Variants in STX5 observed in about 807,000 individuals in gnomAD.
STX5 encodes syntaxin-5.
A neutral mutation model predicts 42.9 loss-of-function variants in STX5; 15 were observed. The observed-to-expected ratio is 0.35, with a 90% CI of 0.23 to 0.54. The LOEUF is 0.54. Ranked by LOEUF, STX5 falls within the 20% of genes least tolerant of loss-of-function variation. STX5 has a pLI of 0.91. For missense variants in STX5, 430 were observed against 455.0 expected, an observed-to-expected ratio of 0.95 and a Z score of 0.50; for synonymous variants, 184 against 173.2, an observed-to-expected ratio of 1.06 and a Z score of -0.49.
At chr11:62,820,245 G>C (rs1474947607) in intron 10 of STX5, among the ~76,000 whole-genome samples, 1 of 150,914 alleles carries the variant, frequency 6.6e-6, no homozygotes, top group Non-Finnish European at 1.5e-5. Context: ...GGTGGCGGGA[G>C]CCTGTAGTAC....
intron 10 of STX5, among the ~76,000 whole-genome samples, chr11:62,821,951 A>G (rs909667181): frequency 3.3e-5 from 5 of 152,126 alleles, no homozygotes; most frequent in African/African-American, 1.2e-4. Context: ...ACTTGGACCT[A>G]GGAGGCAGAG....
chr11:62,824,797 A>C (rs1325180866), intron 8 of STX5, among the ~76,000 whole-genome samples: 1 of 144,192 alleles, frequency 6.9e-6, no homozygotes, highest in Non-Finnish European at 1.5e-5. Context: ...AAAGTGTACG[A>C]AAAAAAATTA....
intron 1 of STX5, among the ~76,000 whole-genome samples, chr11:62,831,552 TCCGGC>T (rs2084864615): frequency 6.6e-6 from 1 of 152,044 alleles, no homozygotes; most frequent in Admixed American, 6.5e-5. Context: ...GTCCTGAGAC[TCCGGC>T]CCGGCCCGTG....
intron 10 of STX5, among the ~76,000 whole-genome samples, chr11:62,820,062 G>A (rs774373692): frequency 7.9e-5 from 12 of 151,544 alleles, no homozygotes; most frequent in Non-Finnish European, 1.5e-4. Flanking sequence ...ACAGGTCTGG[G>A]ACGGAGATTA....
chr11:62,807,736 C>G (rs2084568905), intron 10 of STX5, 108 bp from the exon 11 acceptor site: 1 of 1,511,552 alleles, frequency 6.6e-7, no homozygotes, highest in Non-Finnish European at 8.9e-7. Context: ...TGATCCCATT[C>G]TTATATATAT....
At chr11:62,820,137 G>A (rs557900887) in intron 10 of STX5, among the ~76,000 whole-genome samples, 4 of 151,620 alleles carry the variant, frequency 2.6e-5, no homozygotes, top group South Asian at 2.1e-4. Flanking sequence ...TTGGGAGGCC[G>A]AGGCGGGCGG....
intron 1 of STX5, 111 bp downstream of exon 1, chr11:62,831,843 G>A: frequency 2.2e-6 from 1 of 453,230 alleles, no homozygotes; most frequent in Middle Eastern, 3.3e-4. Context: ...CGGGCCGGCA[G>A]GACTTGCCCG....
At chr11:62,823,457 C>T (rs12288096) in intron 10 of STX5, among the ~76,000 whole-genome samples, 62,134 of 151,846 alleles carry the variant, frequency 0.41, 15,391 homozygotes, top group Non-Finnish European at 0.57. Flanking sequence ...GTGTAAGCCA[C>T]CGTACCCATC....
intron 10 of STX5, among the ~76,000 whole-genome samples, chr11:62,819,494 AT>A (rs770000229): frequency 1.3e-5 from 2 of 151,956 alleles, no homozygotes; most frequent in Non-Finnish European, 2.9e-5. Flanking sequence ...CTTCCTCTTA[AT>A]TTCTTTAAAA....
chr11:62,808,294 T>C (rs2084575130), intron 10 of STX5, among the ~76,000 whole-genome samples: 1 of 151,598 alleles, frequency 6.6e-6, no homozygotes, highest in South Asian at 2.1e-4. Flanking sequence ...GGTGTGCTGG[T>C]GTGACCCTAC....
intron 10 of STX5, among the ~76,000 whole-genome samples, chr11:62,812,320 G>A (rs958682939): frequency 6.6e-6 from 1 of 151,314 alleles, no homozygotes; most frequent in Non-Finnish European, 1.5e-5. Flanking sequence ...CAGGTGGTCC[G>A]CCCGCCTCGG....
chr11:62,831,180 T>C lies in STX5; in HGVS notation c.64A>G (p.Lys22Glu), dbSNP rs752625125. The C allele has an allele frequency of 2.1e-5, 33 of 1,565,138 alleles. No individual in the cohort carries two copies. Among genetic ancestry groups the C allele is most frequent in the African/African-American group, 2.7e-5 (2 of 74,248 alleles). Reference sequence around the variant, plus strand: ...GTTGCAGGGGACAGGACCTGTGTCTTTGAGAGACCCAGGTAGACACCCTGA... The same window carrying C: ...GTTGCAGGGGACAGGACCTGTGTCTCTGAGAGACCCAGGTAGACACCCTGA... ...TDQGVYLGLS[K>E]TQVLSPATAG... The change falls in exon 2 of 11, where the codon AAG becomes GAG. Residue 22 changes from lysine to glutamate, a missense_variant. Transcript: ENST00000294179.
At chr11:62,829,784 G>A (rs2084835529) in intron 2 of STX5, among the ~76,000 whole-genome samples, 1 of 151,720 alleles carries the variant, frequency 6.6e-6, no homozygotes, top group Non-Finnish European at 1.5e-5. Flanking sequence ...AGAGAGAGAG[G>A]CCAGGTGTGG....
intron 10 of STX5, among the ~76,000 whole-genome samples, chr11:62,813,372 T>C (rs1326875065): frequency 1.3e-5 from 2 of 152,216 alleles, no homozygotes; most frequent in Non-Finnish European, 2.9e-5. Flanking sequence ...CAACATATAG[T>C]AGTTGAATAA....
chr11:62,827,251 A>G (rs766380723), intron 4 of STX5, 26 bp from the exon 5 acceptor site: 1 of 1,614,144 alleles, frequency 6.2e-7, no homozygotes, highest in Non-Finnish European at 8.5e-7. Context: ...AGAAGCCACA[A>G]TGGGTGAGGT....
intron 5 of STX5, 74 bp from the exon 6 acceptor site, chr11:62,825,613 C>T: frequency 9.7e-6 from 13 of 1,340,252 alleles, no homozygotes; most frequent in Non-Finnish European, 1.4e-5. Context: ...CGATGGCCAT[C>T]TCTGGTAGGA....
chr11:62,815,542 T>A (rs1024724167), intron 10 of STX5, among the ~76,000 whole-genome samples: 18 of 151,412 alleles, frequency 1.2e-4, no homozygotes, highest in Non-Finnish European at 2.1e-4. Context: ...TGGTTTTTTT[T>A]TTTTTATTTT....
Position 62,827,577 on chromosome 11 carries a change from A to G in STX5, c.280T>C (p.Phe94Leu), listed in dbSNP as rs1431327611. 6.2e-7 allele frequency: 1 copy of G among 1,614,238 alleles called. No individual in the cohort carries two copies. Residue 94 changes from phenylalanine (F) to leucine (L), a missense_variant, in exon 3 of 11, where the codon TTC becomes CTC. Physicochemically the swap from Phe to Leu is conservative, Grantham distance 22. Coordinates refer to ENST00000294179, the MANE Select transcript of STX5 (RefSeq NM_003164.5). ...TCAACTCACTTGGCCATGAGGGTGA[A>G]TTCACTGCGTTGTCGGACAGCACGC... The part of the protein sequence containing the change: ...ALRAVRQRSE[F>L]TLMAKRIGKD...
At chr11:62,811,612 C>T (rs1375971537) in intron 10 of STX5, among the ~76,000 whole-genome samples, 1 of 152,080 alleles carries the variant, frequency 6.6e-6, no homozygotes. Context: ...TGGGAAGGCC[C>T]CTTGGCCCCA....
Sources: gnomAD v4.1 joint callset for allele counts (sites outside exome capture counted in the v4.1 genomes callset) on GRCh38, gnomAD v4.1.1 for gene constraint, MANE v1.5 for transcripts, NCBI Gene and HGNC (gene_info 2026-07-23, HGNC 2026-07-21) for gene names.